ABCC1: variants seen among roughly 807,000 people sequenced by gnomAD.
ABCC1 encodes the protein ATP binding cassette subfamily C member 1 (ABCC1 blood group).
In ABCC1, 83 loss-of-function variants were observed where a neutral mutation model predicts 172.9. That is an observed-to-expected ratio of 0.48 (90% CI 0.40 to 0.58). The LOEUF is 0.58. ABCC1 is among the 20% of genes least tolerant of loss of function. ABCC1 has a pLI of 0.00. For missense variants in ABCC1, 1,817 were observed against 2,002.7 expected, an observed-to-expected ratio of 0.91 and a Z score of 1.77; for synonymous variants, 937 against 825.2, an observed-to-expected ratio of 1.14 and a Z score of -2.32.
intron 1 of ABCC1, among the ~76,000 whole-genome samples, chr16:15,952,452 C>T (rs1014651438): frequency 6.6e-6 from 1 of 151,928 alleles, no homozygotes; most frequent in Non-Finnish European, 1.5e-5. Flanking sequence ...TACTGTCTGC[C>T]TCTGAGCCGC....
intron 1 of ABCC1, among the ~76,000 whole-genome samples, chr16:15,971,602 T>G (rs2046371707): frequency 6.6e-6 from 1 of 152,180 alleles, no homozygotes; most frequent in South Asian, 2.1e-4. Flanking sequence ...GGGCGACGAC[T>G]TCTTCTGGCT....
intron 12 of ABCC1, among the ~76,000 whole-genome samples, chr16:16,057,885 C>T (rs1422564269): frequency 6.6e-6 from 1 of 152,114 alleles, no homozygotes; most frequent in Non-Finnish European, 1.5e-5. Context: ...AAGCAATCCT[C>T]CTGCTTTAGT....
chr16:16,059,226 C>T (rs1002361362), intron 12 of ABCC1, among the ~76,000 whole-genome samples: 6 of 152,192 alleles, frequency 3.9e-5, no homozygotes, highest in African/African-American at 1.4e-4. Flanking sequence ...TGAGTTGTAA[C>T]TAGTTCTCTA....
chr16:16,049,555 G>C (rs1161144903), intron 10 of ABCC1, among the ~76,000 whole-genome samples: 4 of 152,046 alleles, frequency 2.6e-5, no homozygotes, highest in African/African-American at 7.3e-5. Flanking sequence ...ATCCCCCAAG[G>C]CTGTAACAAA....
chr16:16,028,099 C>T (rs935683352), intron 5 of ABCC1, among the ~76,000 whole-genome samples: 3 of 152,128 alleles, frequency 2.0e-5, no homozygotes, highest in East Asian at 1.9e-4. Flanking sequence ...CCACCCCTGC[C>T]GCCTTCCTTT....
In ABCC1 at chr16:16,036,615, T is replaced by C. The variant is rs748449104; in HGVS notation, c.809+12T>C. The stretch of plus-strand genomic sequence containing the variant: ...GCCAAGACTAGGAAGTAAGTGTGAG[T>C]TTCCTTGTCCTCCAGGATGCCCTGG... On this transcript the variant is annotated intron_variant, in intron 7 of 30. Coordinates refer to ENST00000399410, the MANE Select transcript of ABCC1 (RefSeq NM_004996.4). 6.2e-7 allele frequency: 1 copy of C among 1,612,658 alleles called. No individual in the cohort carries two copies. The highest frequency in any genetic ancestry group is 1.1e-5 in the South Asian group (1 of 90,884).
At chr16:16,013,613 A>T (rs563693975) in intron 3 of ABCC1, among the ~76,000 whole-genome samples, 6 of 151,896 alleles carry the variant, frequency 4.0e-5, no homozygotes, top group African/African-American at 1.2e-4. Context: ...ACACAACCAT[A>T]TAGTCTAGCT....
chr16:16,014,516 T>C lies in ABCC1; in HGVS notation c.377T>C (p.Leu126Pro), dbSNP rs557446125. ...TMLLATFLIQ[L>P]ERRKGVQSSG... The stretch of plus-strand genomic sequence containing the variant: ...CTGCTTGCTACCTTTTTAATTCAGC[T>C]GGAGAGGAGGAAGGGAGTTCAGTCT... Residue 126 changes from leucine (L) to proline (P), a missense_variant, in exon 4 of 31, where the codon CTG (leucine) becomes CCG (proline). By Grantham distance (98) the Leu-to-Pro change is moderately conservative. This residue lies in a region of ABCC1 where 398 missense variants were observed against 384.2 expected (regional missense o/e 1.04). Coordinates refer to ENST00000399410, the MANE Select transcript of ABCC1 (RefSeq NM_004996.4). 6.2e-7 allele frequency: 1 copy of C among 1,614,120 alleles called. No homozygotes were observed. Among genetic ancestry groups the C allele is most frequent in the East Asian group, 2.2e-5 (1 of 44,876 alleles).
intron 19 of ABCC1, among the ~76,000 whole-genome samples, chr16:16,095,988 G>C (rs1227595165): frequency 1.3e-5 from 2 of 152,090 alleles, no homozygotes; most frequent in East Asian, 1.9e-4. Context: ...AAAGAATCAG[G>C]AAAAAAGGTG....
In ABCC1 at chr16:16,143,053, A is replaced by G. The variant is rs1187263750; in HGVS notation, c.*1772A>G. On this transcript the variant is annotated 3_prime_UTR_variant, in exon 31 of 31. Transcript: ENST00000399410. Reference sequence around the variant, plus strand: ...GCAGTAAAAAAATATATATATATCTATATATTTTATTTCTTTCTAAAGAAT... The same window carrying G: ...GCAGTAAAAAAATATATATATATCTGTATATTTTATTTCTTTCTAAAGAAT... 1 of 151,956 alleles carries G rather than the reference A, an allele frequency of 6.6e-6. No homozygotes were observed. The highest frequency in any genetic ancestry group is 1.5e-5 in the Non-Finnish European group (1 of 68,018). The allele number at this position is 151,956 out of a possible 1,614,324, so 9.4% of individuals were successfully genotyped here.
At chr16:15,993,852 AG>A (rs1390540564) in intron 1 of ABCC1, among the ~76,000 whole-genome samples, 2 of 152,170 alleles carry the variant, frequency 1.3e-5, no homozygotes, top group Non-Finnish European at 2.9e-5. Context: ...GTGAGGCCTG[AG>A]GCCATTCACT....
intron 17 of ABCC1, among the ~76,000 whole-genome samples, chr16:16,085,184 T>TC (rs2050960428): frequency 6.6e-6 from 1 of 152,112 alleles, no homozygotes. Flanking sequence ...CTGCAGACCC[T>TC]CCCTCCTGCT....
At chr16:15,986,123 C>T (rs144407471) in intron 1 of ABCC1, among the ~76,000 whole-genome samples, 150 of 151,488 alleles carry the variant, frequency 9.9e-4, no homozygotes, top group African/African-American at 2.9e-3. Flanking sequence ...TTAGTAGAGA[C>T]GGGGTTTCAC....
intron 12 of ABCC1, among the ~76,000 whole-genome samples, chr16:16,063,076 C>T (rs561958677): frequency 1.3e-5 from 2 of 152,248 alleles, no homozygotes; most frequent in Admixed American, 6.5e-5. Context: ...GACACTGCCA[C>T]GACCATGTCA....
At chr16:16,100,198 T>G (rs919546320) in intron 19 of ABCC1, among the ~76,000 whole-genome samples, 9 of 152,174 alleles carry the variant, frequency 5.9e-5, no homozygotes, top group Non-Finnish European at 1.3e-4. Flanking sequence ...AGCTGCCCAG[T>G]TCGACCTGTG....
chr16:15,974,788 T>C (rs1436191260), intron 1 of ABCC1, among the ~76,000 whole-genome samples: 1 of 152,050 alleles, frequency 6.6e-6, no homozygotes, highest in Admixed American at 6.5e-5. Flanking sequence ...CTAGTTTCTT[T>C]CTGTTTTTCT....
At chr16:16,036,400 G>T in intron 6 of ABCC1, 72 bp from the exon 7 acceptor site, 1 of 1,451,354 alleles carries the variant, frequency 6.9e-7, no homozygotes, top group South Asian at 1.3e-5. Context: ...CGTGTGGAGT[G>T]AGTGAGCCCC....
chr16:16,098,829 T>G (rs779451212), intron 19 of ABCC1: 2 of 1,350,766 alleles, frequency 1.5e-6, no homozygotes, highest in South Asian at 2.3e-5. Flanking sequence ...GGCGGGAGTT[T>G]CGCTTTGCTT....
rs4148377 is a variant in ABCC1 at position 16,122,034 on chromosome 16, G to A, written c.3450G>A (p.Pro1150=). Residue 1150 remains proline (P), a synonymous_variant, in exon 24 of 31, where the codon CCG becomes CCA. Transcript: ENST00000399410. ...LKRLESVSRS[P]VYSHFNETLL... is the part of the protein sequence containing the mutation. ...GCCTCGAGTCGGTCAGCCGCTCCCCGGTCTATTCCCATTTCAACGAGACCT... is the reference window on the plus strand; with the variant it reads ...GCCTCGAGTCGGTCAGCCGCTCCCCAGTCTATTCCCATTTCAACGAGACCT... 26 of 1,614,016 alleles carry A rather than the reference G, an allele frequency of 1.6e-5. No individual in the cohort carries two copies. Among genetic ancestry groups the A allele is most frequent in the East Asian group, 6.7e-5 (3 of 44,894 alleles).
Sources: allele counts gnomAD v4.1 joint callset (sites outside exome capture counted in the v4.1 genomes callset), GRCh38; gene constraint gnomAD v4.1.1; regional missense constraint gnomAD v4.1.1; transcripts MANE v1.5; gene names NCBI Gene and HGNC (gene_info 2026-07-23, HGNC 2026-07-21).